The following NWD2 variants were observed in gnomAD, a reference collection of about 807,000 sequenced individuals.
The protein encoded by NWD2 is NACHT and WD repeat domain containing 2.
In NWD2, 37 loss-of-function variants were observed where a neutral mutation model predicts 132.7. The observed-to-expected ratio is 0.28, with a 90% confidence interval of 0.21 to 0.37. The LOEUF is 0.37. Among genes scored for constraint, NWD2 ranks in the 10% least tolerant of loss-of-function variants. The pLI, the probability that NWD2 is intolerant of heterozygous loss-of-function variation, is 1.00. For missense variants in NWD2, 1,592 were observed against 2,122.4 expected (o/e 0.75, Z 4.91); for synonymous variants, 705 against 803.0 (o/e 0.88, Z 2.06).
intron 1 of NWD2, among the ~76,000 whole-genome samples, chr4:37,281,120 G>A (rs539665458): frequency 6.6e-6 from 1 of 152,072 alleles, no homozygotes; most frequent in Non-Finnish European, 1.5e-5. Context: ...ACAGTCCAAG[G>A]GGGGGACATG....
rs141486110 is a variant in NWD2 at position 37,426,687 on chromosome 4, T to C, written c.358-3885T>C. On this transcript the variant is annotated intron_variant, in intron 3 of 6. Transcript: ENST00000309447. ...ATGGCTCTCAACTTCTGAATTCCTT[T>C]GGAACCTCATTTTAAAATGCAGTTT... is the stretch of plus-strand genomic sequence containing the variant. Among the ~76,000 whole-genome samples the C allele has an allele frequency of 4.4e-3, 664 of 152,318 alleles. 2 individuals carry two copies. The highest frequency in any genetic ancestry group is 0.015 in the African/African-American group (627 of 41,570).
intron 1 of NWD2, among the ~76,000 whole-genome samples, chr4:37,272,385 G>A (rs577693382): frequency 6.6e-6 from 1 of 151,832 alleles, no homozygotes; most frequent in South Asian, 2.1e-4. Flanking sequence ...TTCATTAATA[G>A]TTGACAAAAT....
chr4:37,279,847 A>AT (rs1718093014), intron 1 of NWD2, among the ~76,000 whole-genome samples: 1 of 152,212 alleles, frequency 6.6e-6, no homozygotes, highest in Non-Finnish European at 1.5e-5. Flanking sequence ...ATCTTTTCTC[A>AT]TAAGAGAATT....
intron 3 of NWD2, among the ~76,000 whole-genome samples, chr4:37,396,998 A>G (rs966418774): frequency 3.3e-5 from 5 of 151,022 alleles, no homozygotes; most frequent in Admixed American, 1.3e-4. Context: ...GTGCCATAGC[A>G]CTCCAGCCTG....
chr4:37,404,163 C>G (rs1215797829), intron 3 of NWD2, among the ~76,000 whole-genome samples: 2 of 152,196 alleles, frequency 1.3e-5, no homozygotes, highest in African/African-American at 4.8e-5. Context: ...GAGTTTACAT[C>G]TCCATTTTGC....
At chr4:37,311,700 G>T (rs966806822) in intron 1 of NWD2, among the ~76,000 whole-genome samples, 1 of 148,668 alleles carries the variant, frequency 6.7e-6, no homozygotes, top group Non-Finnish European at 1.5e-5. Context: ...TGAAGTCCTT[G>T]CCCATGCCTA....
intron 1 of NWD2, among the ~76,000 whole-genome samples, chr4:37,252,349 G>T (rs1036692590): frequency 1.3e-4 from 20 of 152,182 alleles, no homozygotes; most frequent in African/African-American, 4.8e-4. Flanking sequence ...TGACTTTGCA[G>T]TTTAAAAAAA....
chr4:37,358,694 T>C (rs1269411289), intron 3 of NWD2, among the ~76,000 whole-genome samples: 1 of 152,164 alleles, frequency 6.6e-6, no homozygotes, highest in East Asian at 1.9e-4. Context: ...ATCGGGTCAT[T>C]CTGAGAATCA....
In NWD2 at chr4:37,245,296, C is replaced by T; in HGVS notation, c.151+78C>T. ...GGGAGCTGGAGAGTGTGTGTCCGCCCCACAGCCCGGTGCGCCCTGCGCTCC... is the reference window on the plus strand; with the variant it reads ...GGGAGCTGGAGAGTGTGTGTCCGCCTCACAGCCCGGTGCGCCCTGCGCTCC... On this transcript the variant is annotated intron_variant, in intron 1 of 6. Coordinates refer to ENST00000309447, the MANE Select transcript of NWD2 (RefSeq NM_001144990.2). The T allele has an allele frequency of 4.2e-6, 6 of 1,420,094 alleles. No homozygotes were observed. The South Asian group carries it at 5.8e-5, about 14-fold the overall frequency. 88.0% of individuals were successfully genotyped at this position (1,420,094 alleles called of 1,614,324 possible). A position where few individuals can be genotyped will look rare whatever the true frequency, so the allele number is the denominator to read the frequency against.
chr4:37,270,317 A>G (rs2109263013), intron 1 of NWD2, among the ~76,000 whole-genome samples: 1 of 151,850 alleles, frequency 6.6e-6, no homozygotes, highest in East Asian at 1.9e-4. Flanking sequence ...TTTTGAATGA[A>G]TAACTATATC....
At chr4:37,339,569 A>T (rs1266979084) in intron 2 of NWD2, among the ~76,000 whole-genome samples, 4 of 152,216 alleles carry the variant, frequency 2.6e-5, no homozygotes, top group Admixed American at 2.6e-4. Flanking sequence ...ATCTTGCAAT[A>T]AACAGAATTA....
intron 1 of NWD2, among the ~76,000 whole-genome samples, chr4:37,285,036 T>A (rs1718198459): frequency 6.6e-6 from 1 of 152,208 alleles, no homozygotes. Flanking sequence ...GGATGAGTTT[T>A]TTTTTAATCT....
chr4:37,281,459 G>A (rs1226617591), intron 1 of NWD2, among the ~76,000 whole-genome samples: 2 of 152,118 alleles, frequency 1.3e-5, no homozygotes, highest in Non-Finnish European at 2.9e-5. Context: ...TGAAAGGAAA[G>A]AGATCCTTAA....
chr4:37,441,772 C>T (rs569792486), intron 6 of NWD2, among the ~76,000 whole-genome samples: 2 of 152,304 alleles, frequency 1.3e-5, no homozygotes, highest in South Asian at 4.1e-4. Flanking sequence ...GAATGTCTGA[C>T]TCACCGTCAA....
chr4:37,449,011 C>T lies in NWD2; in HGVS notation c.*1794C>T, dbSNP rs868038731. 2 of 152,200 alleles carry T rather than the reference C, an allele frequency of 1.3e-5. No homozygotes were observed. The highest frequency in any genetic ancestry group is 2.1e-4 in the South Asian group (1 of 4,834). 9.4% of individuals were successfully genotyped at this position (152,200 alleles called of 1,614,324 possible). A position where few individuals can be genotyped will look rare whatever the true frequency, so the allele number is the denominator to read the frequency against. On this transcript the variant is annotated 3_prime_UTR_variant, in exon 7 of 7. Transcript: ENST00000309447. ...TTTCAGTATGTTACTTATGGTTTAG[C>T]TACTAGCCAGGGAGGTGGTAGCCCA...
intron 3 of NWD2, among the ~76,000 whole-genome samples, chr4:37,362,083 T>A (rs1438016175): frequency 2.6e-5 from 4 of 151,904 alleles, no homozygotes; most frequent in African/African-American, 9.7e-5. Context: ...CACAAAAAAA[T>A]TAAAATACCT....
At chr4:37,317,175 T>G (rs1718974787) in intron 1 of NWD2, among the ~76,000 whole-genome samples, 2 of 152,228 alleles carry the variant, frequency 1.3e-5, no homozygotes, top group Admixed American at 1.3e-4. Flanking sequence ...GTTTAGGCAG[T>G]ATTTAAAGCT....
intron 3 of NWD2, among the ~76,000 whole-genome samples, chr4:37,386,504 A>C (rs1720566895): frequency 4.6e-5 from 7 of 152,000 alleles, no homozygotes; most frequent in Admixed American, 3.3e-4. Context: ...CTGTATCCTA[A>C]CTTAGCACTC....
chr4:37,445,685 C>T lies in NWD2; in HGVS notation c.3697C>T (p.Arg1233Cys), dbSNP rs750433863. 79 of 1,551,916 alleles carry T rather than the reference C, an allele frequency of 5.1e-5. No individual in the cohort carries two copies. Among genetic ancestry groups the T allele is most frequent in the South Asian group, 2.3e-4 (19 of 84,064 alleles). Reference sequence around the variant, plus strand: ...AAAGTTCAGAGCCAAGCACAACGAACGCTTTATATCTGCCGTGCTGTCTAA... The same window carrying T: ...AAAGTTCAGAGCCAAGCACAACGAATGCTTTATATCTGCCGTGCTGTCTAA... ...AEKFRAKHNE[R>C]FISAVLSKNG... Residue 1233 changes from arginine (R) to cysteine (C), a missense_variant, in exon 7 of 7, where the codon CGC (arginine) becomes TGC (cysteine). Coordinates refer to ENST00000309447, the MANE Select transcript of NWD2 (RefSeq NM_001144990.2). This position sits in a 1 kb window ranked among gnomAD's most constrained non-coding sequence, Gnocchi z 4.7.
Sources: allele counts gnomAD v4.1 joint callset (sites outside exome capture counted in the v4.1 genomes callset), GRCh38; gene constraint gnomAD v4.1.1; non-coding constraint Gnocchi (gnomAD v3.1); transcripts MANE v1.5; gene names NCBI Gene and HGNC (gene_info 2026-07-23, HGNC 2026-07-21).